Variants in GRM3 observed in about 807,000 individuals in gnomAD.
GRM3 encodes metabotropic glutamate receptor 3.
Under a neutral mutation model 70.5 loss-of-function variants are expected in GRM3, and 26 were observed. That is an observed-to-expected ratio of 0.37 (90% confidence interval 0.27 to 0.51). The LOEUF (loss-of-function observed/expected upper bound fraction) is 0.51, where lower values mean the gene tolerates loss of function less well. Ranked by LOEUF, GRM3 falls within the 20% of genes least tolerant of loss-of-function variation. The probability of loss-of-function intolerance (pLI) is 0.93; values close to 1 mark genes in which losing one functional copy is unlikely to be tolerated. For synonymous variants in GRM3, 443 were observed against 434.9 expected (o/e 1.02, Z -0.23); for missense variants, 859 against 1,123.8 (o/e 0.76, Z 3.37).
At chr7:86,709,041 A>G (rs1795131490) in intron 1 of GRM3, among the ~76,000 whole-genome samples, 1 of 152,014 alleles carries the variant, frequency 6.6e-6, no homozygotes, top group African/African-American at 2.4e-5. Context: ...CTAAATTACA[A>G]CCTACATACT....
Position 86,856,849 on chromosome 7 carries a change from A to G in GRM3, c.2566+6305A>G, listed in dbSNP as rs149421536. Among the ~76,000 whole-genome samples, 469 of 152,248 alleles carry G rather than the reference A, an allele frequency of 3.1e-3. 3 individuals carry two copies. The highest frequency in any genetic ancestry group is 0.01 in the African/African-American group (433 of 41,524). The stretch of plus-strand genomic sequence containing the variant: ...CTAATATGTTGCTAGGTTTTCCCCT[A>G]GTAAATATAGCCCACCTTCTTTAAT... On this transcript the variant is annotated intron_variant, in intron 5 of 5. Transcript: ENST00000361669.
intron 1 of GRM3, 43 bp from the exon 2 acceptor site, chr7:86,764,963 G>A: frequency 7.2e-7 from 1 of 1,381,498 alleles, no homozygotes; most frequent in Non-Finnish European, 9.4e-7. Context: ...AATCACTGTT[G>A]CTTTCTTTAC....
intron 3 of GRM3, among the ~76,000 whole-genome samples, chr7:86,820,360 G>A (rs970309976): frequency 2.6e-5 from 4 of 152,082 alleles, no homozygotes; most frequent in African/African-American, 9.7e-5. Context: ...CAGTGCTTGG[G>A]TAGAGAGGTG....
At chr7:86,791,256 G>C (rs920540630) in intron 3 of GRM3, among the ~76,000 whole-genome samples, 4 of 152,144 alleles carry the variant, frequency 2.6e-5, no homozygotes, top group African/African-American at 9.7e-5. Flanking sequence ...CCAAAGGAAT[G>C]AGAAATTATA....
intron 1 of GRM3, among the ~76,000 whole-genome samples, chr7:86,716,755 A>C (rs1344847042): frequency 6.6e-6 from 1 of 151,900 alleles, no homozygotes; most frequent in African/African-American, 2.4e-5. Flanking sequence ...GAGGCTTATA[A>C]TTTACATAAG....
intron 4 of GRM3, among the ~76,000 whole-genome samples, chr7:86,844,465 T>A (rs1031821087): frequency 2.0e-5 from 3 of 152,214 alleles, no homozygotes; most frequent in African/African-American, 7.2e-5. Flanking sequence ...TAGGACTTTA[T>A]AAGCCATAGC....
At chr7:86,739,252 C>G (rs1332338183) in intron 1 of GRM3, among the ~76,000 whole-genome samples, 6 of 152,336 alleles carry the variant, frequency 3.9e-5, no homozygotes, top group African/African-American at 1.4e-4. Context: ...GCTGGGACTA[C>G]AGGCATGAGC....
At chr7:86,700,598 C>T (rs547483855) in intron 1 of GRM3, among the ~76,000 whole-genome samples, 2 of 152,040 alleles carry the variant, frequency 1.3e-5, no homozygotes, top group Non-Finnish European at 2.9e-5. Flanking sequence ...AATTGCCCCA[C>T]ACTATTATTA....
chr7:86,792,145 C>T (rs1797435057), intron 3 of GRM3, among the ~76,000 whole-genome samples: 1 of 152,152 alleles, frequency 6.6e-6, no homozygotes, highest in African/African-American at 2.4e-5. Context: ...GTTCACAGTA[C>T]AGTACATTCT....
At chr7:86,714,290 T>C (rs1444004222) in intron 1 of GRM3, among the ~76,000 whole-genome samples, 1 of 152,028 alleles carries the variant, frequency 6.6e-6, no homozygotes, top group Non-Finnish European at 1.5e-5. Flanking sequence ...CTATACACTT[T>C]TTCTGAATTT....
At chr7:86,848,428 A>G (rs1798696843) in intron 4 of GRM3, among the ~76,000 whole-genome samples, 1 of 152,176 alleles carries the variant, frequency 6.6e-6, no homozygotes, top group African/African-American at 2.4e-5. Context: ...CTAAGTCCAC[A>G]CATGGAAAGA....
At chr7:86,785,204 CTT>C (rs1797194052) in intron 2 of GRM3, among the ~76,000 whole-genome samples, 2 of 152,190 alleles carry the variant, frequency 1.3e-5, no homozygotes, top group African/African-American at 4.8e-5. Flanking sequence ...CATAATTTAA[CTT>C]AAGTCAGTAT....
intron 2 of GRM3, among the ~76,000 whole-genome samples, chr7:86,767,424 C>T (rs997915587): frequency 2.7e-5 from 4 of 149,388 alleles, no homozygotes; most frequent in African/African-American, 9.8e-5. Flanking sequence ...TATGAAAGCA[C>T]ATCATGTTAA....
Position 86,777,020 on chromosome 7 carries a change from T to C in GRM3, c.469-9241T>C, listed in dbSNP as rs190093110. Among the ~76,000 whole-genome samples, 3 of 152,292 alleles carry C rather than the reference T, an allele frequency of 2.0e-5. No homozygotes were observed. The East Asian group carries it at 5.8e-4, about 29-fold the overall frequency. The stretch of plus-strand genomic sequence containing the variant: ...AATACCTTCTTGTTTGTCTTGTAAG[T>C]ACCTGCTAAATCTGGATGGAAAGAA... On this transcript the variant is annotated intron_variant, in intron 2 of 5. Transcript: ENST00000361669.
At chr7:86,664,557 C>T (rs141718218) in intron 1 of GRM3, among the ~76,000 whole-genome samples, 12 of 151,998 alleles carry the variant, frequency 7.9e-5, no homozygotes, top group African/African-American at 2.9e-4. Flanking sequence ...GTTTTTGACA[C>T]ACTAAGAAAA....
intron 3 of GRM3, among the ~76,000 whole-genome samples, 184 bp from the exon 4 acceptor site, chr7:86,838,655 T>G (rs1584273409): frequency 6.6e-6 from 1 of 152,360 alleles, no homozygotes; most frequent in East Asian, 1.9e-4. Flanking sequence ...AGTGAATGAA[T>G]GTATAAATGC....
chr7:86,819,513 T>C (rs1798077650), intron 3 of GRM3, among the ~76,000 whole-genome samples: 1 of 152,090 alleles, frequency 6.6e-6, no homozygotes. Flanking sequence ...AGAAAGGTAC[T>C]GAAAACTGGC....
At chr7:86,743,188 C>T (rs1259476408) in intron 1 of GRM3, among the ~76,000 whole-genome samples, 1 of 152,036 alleles carries the variant, frequency 6.6e-6, no homozygotes, top group East Asian at 1.9e-4. Context: ...ATAGTAATCT[C>T]TCAATATATA....
chr7:86,697,511 A>G (rs546052794), intron 1 of GRM3, among the ~76,000 whole-genome samples: 125 of 152,204 alleles, frequency 8.2e-4, no homozygotes, highest in Admixed American at 1.6e-3. Context: ...ATTACGAAAA[A>G]CAGAGAAGAC....
Sources: gnomAD v4.1 joint callset for allele counts (sites outside exome capture counted in the v4.1 genomes callset) on GRCh38, gnomAD v4.1.1 for gene constraint, MANE v1.5 for transcripts, NCBI Gene and HGNC (gene_info 2026-07-23, HGNC 2026-07-21) for gene names.